The following CSMD1 variants were observed in gnomAD, a reference collection of about 807,000 sequenced individuals.
The protein encoded by CSMD1 is CUB and sushi domain-containing protein 1.
CSMD1 carries 213 observed loss-of-function variants against 417.5 expected under a neutral mutation model. The observed-to-expected ratio is 0.51, with a 90% CI of 0.46 to 0.57. The LOEUF is 0.57. Ranked by LOEUF, CSMD1 falls within the 20% of genes least tolerant of loss-of-function variation. The pLI, the probability that CSMD1 is intolerant of heterozygous loss-of-function variation, is 0.00. For synonymous variants in CSMD1, 2,862 were observed against 1,736.8 expected, an observed-to-expected ratio of 1.65 and a Z score of -16.11; for missense variants, 6,923 against 4,529.7, an observed-to-expected ratio of 1.53 and a Z score of -15.17.
chr8:4,053,786 A>G (rs73500919), intron 3 of CSMD1, among the ~76,000 whole-genome samples: 2,310 of 152,264 alleles, frequency 0.015, 54 homozygotes, highest in East Asian at 0.089. Context: ...ATTAGAGAAT[A>G]AACCAGTATG....
At chr8:4,741,868 C>G (rs1280764632) in intron 1 of CSMD1, among the ~76,000 whole-genome samples, 2 of 152,008 alleles carry the variant, frequency 1.3e-5, no homozygotes, top group Non-Finnish European at 2.9e-5. Flanking sequence ...GGATCTCACT[C>G]TGTCACCCAG....
Position 3,087,115 on chromosome 8 carries a change from G to A in CSMD1, c.7456C>T (p.Leu2486Phe), listed in dbSNP as rs537274542. The change falls in exon 49 of 70, where the codon CTC becomes TTC. Residue 2486 changes from leucine to phenylalanine, a missense_variant. Physicochemically the swap from Leu to Phe is conservative, Grantham distance 22. Coordinates refer to ENST00000635120, the MANE Select transcript of CSMD1 (RefSeq NM_033225.6). ...TTCTTACCCTGGCAGAGTGGCGTGAGGGAGTCCCACTGGTACATGCCAAGT... is the reference window on the plus strand; with the variant it reads ...TTCTTACCCTGGCAGAGTGGCGTGAAGGAGTCCCACTGGTACATGCCAAGT... ...NPLGMYQWDSLTPLCQAVSCG... is the reference protein window; with the variant it reads ...NPLGMYQWDSFTPLCQAVSCG... The A allele has an allele frequency of 6.2e-7, 1 of 1,613,440 alleles. No individual in the cohort carries two copies. The highest frequency in any genetic ancestry group is 8.5e-7 in the Non-Finnish European group (1 of 1,179,856).
intron 3 of CSMD1, among the ~76,000 whole-genome samples, chr8:4,339,031 C>A (rs1296024370): frequency 6.6e-6 from 1 of 152,092 alleles, no homozygotes; most frequent in African/African-American, 2.4e-5. Context: ...GGCTCAATTG[C>A]TGTAGAGCCT....
chr8:3,448,413 AG>A (rs1815467633), intron 12 of CSMD1, among the ~76,000 whole-genome samples: 14 of 121,324 alleles, frequency 1.2e-4, no homozygotes, highest in South Asian at 3.0e-4. Context: ...GAAGGAAGGA[AG>A]GAAGGGAAGG....
chr8:4,336,038 A>T (rs184395929), intron 3 of CSMD1, among the ~76,000 whole-genome samples: 2 of 152,022 alleles, frequency 1.3e-5, no homozygotes, highest in African/African-American at 4.8e-5. Context: ...AGATTTCCAA[A>T]CTTCCTCCCT....
At chr8:3,579,083 C>T (rs1344768252) in intron 9 of CSMD1, among the ~76,000 whole-genome samples, 2 of 152,178 alleles carry the variant, frequency 1.3e-5, no homozygotes, top group African/African-American at 4.8e-5. Context: ...CTAATGTACA[C>T]CTGATGTTAC....
intron 6 of CSMD1, among the ~76,000 whole-genome samples, chr8:3,709,851 G>A (rs866003663): frequency 4.5e-5 from 3 of 65,958 alleles, no homozygotes; most frequent in Non-Finnish European, 1.1e-4. Flanking sequence ...GTGTGTGTAC[G>A]TGTGTGTGTG....
chr8:3,786,968 A>C (rs1321776825), intron 5 of CSMD1, among the ~76,000 whole-genome samples: 1 of 152,164 alleles, frequency 6.6e-6, no homozygotes, highest in Non-Finnish European at 1.5e-5. Flanking sequence ...TTCAATCCTC[A>C]TCATCTAGAT....
At chr8:3,083,888 TGTTCAAGCAATCCACCCACC>T (rs1814326980) in intron 49 of CSMD1, among the ~76,000 whole-genome samples, 1 of 151,482 alleles carries the variant, frequency 6.6e-6, no homozygotes, top group Admixed American at 6.6e-5. Context: ...TGAACTCCTG[TGTTCAAGCAATCCACCCACC>T]CACCTTGGCC....
intron 42 of CSMD1, among the ~76,000 whole-genome samples, chr8:3,110,943 G>C (rs1228021514): frequency 6.6e-6 from 1 of 152,136 alleles, no homozygotes; most frequent in Non-Finnish European, 1.5e-5. Flanking sequence ...TTTTTGTTAA[G>C]AAATTTATAT....
At chr8:4,898,634 T>C (rs139577609) in intron 1 of CSMD1, among the ~76,000 whole-genome samples, 14 of 152,314 alleles carry the variant, frequency 9.2e-5, no homozygotes, top group African/African-American at 3.4e-4. Context: ...AAATTTTTTT[T>C]ATGAAAAATT....
intron 1 of CSMD1, among the ~76,000 whole-genome samples, chr8:4,918,179 C>G (rs543029872): frequency 3.9e-5 from 6 of 152,288 alleles, no homozygotes; most frequent in African/African-American, 1.4e-4. Flanking sequence ...TTGGTGACTC[C>G]TGAGTTGAAA....
intron 6 of CSMD1, among the ~76,000 whole-genome samples, chr8:3,709,318 G>C (rs187761500): frequency 6.6e-6 from 1 of 152,078 alleles, no homozygotes; most frequent in African/African-American, 2.4e-5. Context: ...CAGCAGCTGC[G>C]AGCAGGCAGA....
intron 26 of CSMD1, among the ~76,000 whole-genome samples, chr8:3,232,427 T>C (rs1798895664): frequency 6.6e-6 from 1 of 152,226 alleles, no homozygotes; most frequent in South Asian, 2.1e-4. Context: ...TCTGGTCTAC[T>C]CATTTTTATT....
In CSMD1 at chr8:4,208,586, A is replaced by G. The variant is rs545537220; in HGVS notation, c.416-176487T>C. The stretch of plus-strand genomic sequence containing the variant: ...TGACTCATTCTATTTTCTTTTTCCT[A>G]CTGAAATTAATGTTAAGAAAATGAA... On this transcript the variant is annotated intron_variant, in intron 3 of 69. Transcript: ENST00000635120. Among the ~76,000 whole-genome samples the G allele has an allele frequency of 5.5e-4, 83 of 152,276 alleles. 1 individual carries two copies. The South Asian group carries it at 0.012, about 23-fold the overall frequency.
chr8:4,278,080 T>C (rs961013115), intron 3 of CSMD1, among the ~76,000 whole-genome samples: 2 of 152,188 alleles, frequency 1.3e-5, no homozygotes, highest in African/African-American at 4.8e-5. Flanking sequence ...ATAATTAAAA[T>C]GCTACATTTA....
intron 7 of CSMD1, among the ~76,000 whole-genome samples, chr8:3,652,892 T>C (rs1028043379): frequency 6.6e-6 from 1 of 152,184 alleles, no homozygotes; most frequent in African/African-American, 2.4e-5. Flanking sequence ...TCAATACATA[T>C]TTAATGAATG....
At chr8:4,632,857 G>C (rs781644250) in intron 2 of CSMD1, among the ~76,000 whole-genome samples, 4 of 152,178 alleles carry the variant, frequency 2.6e-5, no homozygotes, top group Non-Finnish European at 4.4e-5. Flanking sequence ...AGAGGGAGAG[G>C]CCGGGAATAA....
At chr8:4,637,599 C>A (rs777730470) in intron 1 of CSMD1, 41 bp from the exon 2 acceptor site, 6 of 1,330,540 alleles carry the variant, frequency 4.5e-6, no homozygotes, top group Non-Finnish European at 5.3e-6. Flanking sequence ...ATTATTCTGG[C>A]CATCTTTAAT....
Sources: allele counts gnomAD v4.1 joint callset (sites outside exome capture counted in the v4.1 genomes callset), GRCh38; gene constraint gnomAD v4.1.1; transcripts MANE v1.5; gene names NCBI Gene and HGNC (gene_info 2026-07-23, HGNC 2026-07-21).